The following MYT1L variants were observed in gnomAD, a reference collection of about 807,000 sequenced individuals.
The protein encoded by MYT1L is myelin transcription factor 1-like protein.
A neutral mutation model predicts 126.7 loss-of-function variants in MYT1L; 12 were observed. That is an observed-to-expected ratio of 0.09 (90% CI 0.06 to 0.15). MYT1L has a LOEUF of 0.15. Ranked by LOEUF, MYT1L falls within the 10% of genes least tolerant of loss-of-function variation. MYT1L has a pLI of 1.00. For missense variants in MYT1L, 979 were observed against 1,585.2 expected, an observed-to-expected ratio of 0.62 and a Z score of 6.49; for synonymous variants, 541 against 604.2, an observed-to-expected ratio of 0.90 and a Z score of 1.53.
intron 2 of MYT1L, among the ~76,000 whole-genome samples, chr2:2,188,323 C>G (rs1441947080): frequency 6.6e-6 from 1 of 152,192 alleles, no homozygotes; most frequent in East Asian, 1.9e-4. Flanking sequence ...TGGTGGGGTG[C>G]TATGCACCTG....
chr2:2,257,000 G>T (rs969484559), intron 2 of MYT1L, among the ~76,000 whole-genome samples: 2 of 152,140 alleles, frequency 1.3e-5, no homozygotes, highest in African/African-American at 4.8e-5. Context: ...CTGAAAAACA[G>T]ATTTTCAATG....
At chr2:2,168,864 C>T (rs186542364) in intron 3 of MYT1L, among the ~76,000 whole-genome samples, 10 of 152,108 alleles carry the variant, frequency 6.6e-5, no homozygotes, top group African/African-American at 1.7e-4. Context: ...TGCTCAGTCC[C>T]GAGGCCCTAG....
rs115461874 is a variant in MYT1L at position 2,245,828 on chromosome 2, G to A, written c.-421+38576C>T. Among the ~76,000 whole-genome samples the A allele has an allele frequency of 3.8e-3, 573 of 152,272 alleles. 5 individuals are homozygous for A. The highest frequency in any genetic ancestry group is 0.013 in the African/African-American group (555 of 41,556). On this transcript the variant is annotated intron_variant, in intron 2 of 24. Transcript: ENST00000647738. ...CTTCCAATCTTTTCTCATTTTTCAA[G>A]TCAGAGAGGGATTTGGAGATGCTAG...
chr2:1,948,918 T>C (rs2057482693), intron 8 of MYT1L, among the ~76,000 whole-genome samples: 1 of 152,118 alleles, frequency 6.6e-6, no homozygotes, highest in South Asian at 2.1e-4. Flanking sequence ...ATGATATAAA[T>C]CTAAAAAGAT....
chr2:2,183,165 C>T (rs1224272574), intron 2 of MYT1L, among the ~76,000 whole-genome samples: 1 of 152,076 alleles, frequency 6.6e-6, no homozygotes, highest in Non-Finnish European at 1.5e-5. Flanking sequence ...CCTGGGGGAG[C>T]CTGAATTGTA....
At chr2:2,273,772 G>A (rs1432671233) in intron 2 of MYT1L, among the ~76,000 whole-genome samples, 2 of 152,200 alleles carry the variant, frequency 1.3e-5, no homozygotes, top group Admixed American at 6.5e-5. Context: ...TTATAAGAAG[G>A]AAAAACACCA....
chr2:1,870,943 T>G (rs1293029556), intron 18 of MYT1L, among the ~76,000 whole-genome samples: 1 of 152,236 alleles, frequency 6.6e-6, no homozygotes, highest in Non-Finnish European at 1.5e-5. Flanking sequence ...CGTTTCTCAC[T>G]GGTCTTCTGC....
chr2:2,268,338 T>G (rs1003625113), intron 2 of MYT1L, among the ~76,000 whole-genome samples: 1 of 152,214 alleles, frequency 6.6e-6, no homozygotes, highest in African/African-American at 2.4e-5. Flanking sequence ...CATCATTCTT[T>G]GTAAATTTGC....
intron 4 of MYT1L, among the ~76,000 whole-genome samples, chr2:2,011,048 A>C (rs535834499): frequency 6.6e-6 from 1 of 152,318 alleles, no homozygotes; most frequent in South Asian, 2.1e-4. Context: ...ACTGTGTACA[A>C]TAATAAACTC....
intron 4 of MYT1L, among the ~76,000 whole-genome samples, chr2:2,041,128 T>C (rs985105147): frequency 6.6e-6 from 1 of 152,236 alleles, no homozygotes; most frequent in Non-Finnish European, 1.5e-5. Context: ...TATAAAAATA[T>C]ATTACTGGTG....
intron 2 of MYT1L, among the ~76,000 whole-genome samples, chr2:2,283,411 A>G (rs1383052047): frequency 6.6e-6 from 1 of 152,232 alleles, no homozygotes; most frequent in Non-Finnish European, 1.5e-5. Flanking sequence ...CATTGAGAGG[A>G]TAAGTTTCTA....
At chr2:2,013,103 T>C (rs1381481575) in intron 4 of MYT1L, among the ~76,000 whole-genome samples, 1 of 152,142 alleles carries the variant, frequency 6.6e-6, no homozygotes, top group East Asian at 1.9e-4. Flanking sequence ...CCCACTGAAG[T>C]GTACACTTCC....
At chr2:2,022,776 A>G (rs1381766484) in intron 4 of MYT1L, among the ~76,000 whole-genome samples, 1 of 152,190 alleles carries the variant, frequency 6.6e-6, no homozygotes, top group Non-Finnish European at 1.5e-5. Context: ...TATCTTTCCA[A>G]AAACAATGAT....
chr2:2,180,894 C>CTG (rs1174411271), intron 2 of MYT1L, among the ~76,000 whole-genome samples: 1 of 143,376 alleles, frequency 7.0e-6, no homozygotes, highest in Non-Finnish European at 1.5e-5. Context: ...GTGTGTGTAC[C>CTG]TCTGTGCTTG....
chr2:1,909,014 G>A (rs778206645), intron 13 of MYT1L, among the ~76,000 whole-genome samples: 8 of 152,240 alleles, frequency 5.3e-5, no homozygotes, highest in East Asian at 3.9e-4. Context: ...TAATTACTAC[G>A]TTAGAAGCTT....
intron 3 of MYT1L, among the ~76,000 whole-genome samples, chr2:2,138,233 T>C (rs1236192892): frequency 6.6e-6 from 1 of 150,552 alleles, no homozygotes; most frequent in Non-Finnish European, 1.5e-5. Context: ...GGAACACTTT[T>C]ACACTGTTGG....
chr2:1,798,182 C>T (rs866985823), intron 23 of MYT1L, among the ~76,000 whole-genome samples: 1 of 43,674 alleles, frequency 2.3e-5, no homozygotes, highest in African/African-American at 8.5e-5. Context: ...GGCACAGGCG[C>T]GGCGGTCTCC....
chr2:1,937,024 T>C (rs1327285671), intron 9 of MYT1L, among the ~76,000 whole-genome samples: 1 of 152,150 alleles, frequency 6.6e-6, no homozygotes, highest in African/African-American at 2.4e-5. Flanking sequence ...AAAAAGAAGG[T>C]GGGGAGTGGA....
At chr2:2,080,345 A>T (rs183070837) in intron 3 of MYT1L, among the ~76,000 whole-genome samples, 1 of 152,344 alleles carries the variant, frequency 6.6e-6, no homozygotes, top group Admixed American at 6.5e-5. Context: ...AATCAAAACT[A>T]AAAAGTTGAT....
Sources: allele counts gnomAD v4.1 joint callset (sites outside exome capture counted in the v4.1 genomes callset), GRCh38; gene constraint gnomAD v4.1.1; transcripts MANE v1.5; gene names NCBI Gene and HGNC (gene_info 2026-07-23, HGNC 2026-07-21).